DUSP29: variants seen among roughly 807,000 people sequenced by gnomAD.
The protein encoded by DUSP29 is dual specificity phosphatase 29, also known as atypical dual-specific protein phosphatase.
DUSP29 carries 12 observed loss-of-function variants against 13.5 expected under a neutral mutation model. That is an observed-to-expected ratio of 0.89 (90% CI 0.57 to 1.44). The LOEUF is 1.44. Among genes scored for constraint, DUSP29 ranks in the 40% most tolerant of loss-of-function variants. The probability of loss-of-function intolerance (pLI) is 0.00; values close to 1 mark genes in which losing one functional copy is unlikely to be tolerated. For missense variants in DUSP29, 308 were observed against 301.1 expected (o/e 1.02, Z -0.17); for synonymous variants, 134 against 128.7 (o/e 1.04, Z -0.28).
At chr10:75,046,396 A>G (rs1846707644) in intron 2 of DUSP29, among the ~76,000 whole-genome samples, 1 of 152,200 alleles carries the variant, frequency 6.6e-6, no homozygotes, top group South Asian at 2.1e-4. Context: ...GCCACTGGTA[A>G]AAGCATGTGG....
In DUSP29 at chr10:75,037,852, T is replaced by C; in HGVS notation, c.647A>G (p.Asp216Gly). The change falls in exon 4 of 4, where the codon GAT becomes GGT. Residue 216 changes from aspartate (D) to glycine (G), a missense_variant. Asp to Gly is a moderately conservative substitution (Grantham distance 94, BLOSUM62 -1). Coordinates refer to ENST00000338487, the MANE Select transcript of DUSP29 (RefSeq NM_001003892.3). ...GAGTCGGGCCTACAGCTCCCTGCCA[T>C]CCTCCTCCTCACCGTCCTGGCGCTG... ...RSQRQDGEEEDGREL is the reference protein window; with the variant it reads ...RSQRQDGEEEGGREL The C allele has an allele frequency of 6.2e-7, 1 of 1,607,026 alleles. No homozygotes were observed. Among genetic ancestry groups the C allele is most frequent in the Non-Finnish European group, 8.5e-7 (1 of 1,176,836 alleles).
chr10:75,047,562 G>A (rs7914131), intron 2 of DUSP29, among the ~76,000 whole-genome samples: 20,597 of 152,192 alleles, frequency 0.14, 2,838 homozygotes, highest in African/African-American at 0.35. Context: ...AGAAAAGGCC[G>A]TGTGCCCCAC....
chr10:75,062,024 T>C (rs1051679121), intron 1 of DUSP29, among the ~76,000 whole-genome samples: 1 of 152,208 alleles, frequency 6.6e-6, no homozygotes, highest in African/African-American at 2.4e-5. Flanking sequence ...CGGGTGGTCA[T>C]TCAGGCCCAA....
chr10:75,059,900 T>C (rs1036807086), intron 1 of DUSP29, among the ~76,000 whole-genome samples: 3 of 152,184 alleles, frequency 2.0e-5, no homozygotes, highest in African/African-American at 7.2e-5. Flanking sequence ...GGCTCATGCC[T>C]GTAATCCCAG....
chr10:75,040,017 T>C (rs1344064216), intron 3 of DUSP29, among the ~76,000 whole-genome samples: 3 of 151,804 alleles, frequency 2.0e-5, no homozygotes, highest in Non-Finnish European at 4.4e-5. Context: ...CTGTCTCTAC[T>C]AAAAAATACA....
chr10:75,052,714 A>C (rs1412766153), intron 2 of DUSP29, among the ~76,000 whole-genome samples: 1 of 152,214 alleles, frequency 6.6e-6, no homozygotes, highest in Non-Finnish European at 1.5e-5. Flanking sequence ...GGCCTCCCAA[A>C]GTGTTGAGAT....
At chr10:75,044,522 C>T (rs1056096646) in intron 2 of DUSP29, among the ~76,000 whole-genome samples, 2 of 152,156 alleles carry the variant, frequency 1.3e-5, no homozygotes, top group African/African-American at 2.4e-5. Context: ...CACAAATTCA[C>T]GTTGGCACGA....
chr10:75,042,438 T>C (rs1846605674), intron 3 of DUSP29, among the ~76,000 whole-genome samples: 1 of 152,266 alleles, frequency 6.6e-6, no homozygotes, highest in African/African-American at 2.4e-5. Flanking sequence ...AGGCAAATTT[T>C]ACCTTGTGGT....
chr10:75,057,836 A>G (rs1362244770), intron 2 of DUSP29, among the ~76,000 whole-genome samples: 1 of 152,208 alleles, frequency 6.6e-6, no homozygotes, highest in Non-Finnish European at 1.5e-5. Context: ...AAAATAAAAG[A>G]CTACATTTCC....
intron 1 of DUSP29, among the ~76,000 whole-genome samples, chr10:75,069,095 G>A (rs907937647): frequency 1.3e-5 from 2 of 152,136 alleles, no homozygotes; most frequent in African/African-American, 2.4e-5. Flanking sequence ...TTCCTTCTCT[G>A]ATGGTGTTGA....
intron 1 of DUSP29, among the ~76,000 whole-genome samples, chr10:75,062,373 G>T (rs1176460573): frequency 6.6e-6 from 1 of 152,212 alleles, no homozygotes; most frequent in Non-Finnish European, 1.5e-5. Context: ...TGAAACCTCC[G>T]TCTGCCTCCT....
intron 1 of DUSP29, among the ~76,000 whole-genome samples, chr10:75,059,145 T>A (rs1847032767): frequency 6.6e-6 from 1 of 152,168 alleles, no homozygotes; most frequent in African/African-American, 2.4e-5. Flanking sequence ...CTGAAGGCAA[T>A]GCTCACACTC....
Position 75,043,950 on chromosome 10 carries a change from C to G in DUSP29, c.268G>C (p.Gly90Arg). Residue 90 changes from glycine to arginine, a missense_variant, in exon 3 of 4, where the codon GGC becomes CGC. Gly to Arg is a moderately radical substitution (Grantham distance 125, BLOSUM62 -2). Transcript: ENST00000338487. ...GFTHVLNAAHGRWNVDTGPDY... is the reference protein window; with the variant it reads ...GFTHVLNAAHRRWNVDTGPDY... ...GGCCCAGTGTCCACGTTCCAGCGGC[C>G]GTGGGCCGCGTTCAGCACGTGCGTG... The G allele has an allele frequency of 6.2e-7, 1 of 1,613,516 alleles. No individual in the cohort carries two copies. The highest frequency in any genetic ancestry group is 1.1e-5 in the South Asian group (1 of 91,052).
At chr10:75,050,540 C>G (rs1043380857) in intron 2 of DUSP29, among the ~76,000 whole-genome samples, 2 of 152,234 alleles carry the variant, frequency 1.3e-5, no homozygotes, top group Non-Finnish European at 2.9e-5. Context: ...TGGAAGGGAA[C>G]CTTCGAAATC....
At chr10:75,043,204 G>C (rs943214389) in intron 3 of DUSP29, among the ~76,000 whole-genome samples, 8 of 152,260 alleles carry the variant, frequency 5.3e-5, no homozygotes, top group Non-Finnish European at 2.9e-5. Context: ...TCACGAGGCT[G>C]AGTGTAACTG....
At chr10:75,067,645 C>T (rs1039470219) in intron 1 of DUSP29, among the ~76,000 whole-genome samples, 5 of 152,070 alleles carry the variant, frequency 3.3e-5, no homozygotes, top group African/African-American at 7.2e-5. Flanking sequence ...GGGAGGGGAT[C>T]GGAAAGGGGT....
At position 75,050,682 on chromosome 10, in the gene DUSP29, C is replaced by T. The variant is rs147647537; in HGVS notation, c.201-6665G>A. ...TGTGCCGAGTCATGCCTGAGCCCTC[C>T]GCTCCACGCTGAGCCTGCAGTTCCA... On this transcript the variant is annotated intron_variant, in intron 2 of 3. Coordinates refer to ENST00000338487, the MANE Select transcript of DUSP29 (RefSeq NM_001003892.3). Among the ~76,000 whole-genome samples the T allele has an allele frequency of 6.6e-3, 1,011 of 152,374 alleles. 5 individuals carry two copies. Among genetic ancestry groups the T allele is most frequent in the South Asian group, 0.023 (113 of 4,830 alleles).
chr10:75,051,841 A>G (rs1846838943), intron 2 of DUSP29, among the ~76,000 whole-genome samples: 1 of 152,274 alleles, frequency 6.6e-6, no homozygotes, highest in South Asian at 2.1e-4. Context: ...TTCACAGCCC[A>G]GCTTATAACC....
At chr10:75,059,849 C>G (rs1847048533) in intron 1 of DUSP29, among the ~76,000 whole-genome samples, 1 of 152,284 alleles carries the variant, frequency 6.6e-6, no homozygotes, top group South Asian at 2.1e-4. Flanking sequence ...CAAAACACAT[C>G]AAACACTTAG....
Sources: gnomAD v4.1 joint callset for allele counts (sites outside exome capture counted in the v4.1 genomes callset) on GRCh38, gnomAD v4.1.1 for gene constraint, MANE v1.5 for transcripts, NCBI Gene and HGNC (gene_info 2026-07-23, HGNC 2026-07-21) for gene names.